Variants in PRCP observed in about 807,000 individuals in gnomAD.
The protein encoded by PRCP is lysosomal Pro-X carboxypeptidase.
Under a neutral mutation model 54.2 loss-of-function variants are expected in PRCP, and 46 were observed. That is an observed-to-expected ratio of 0.85 (90% CI 0.67 to 1.09). The LOEUF (loss-of-function observed/expected upper bound fraction) is 1.09. Ranked by LOEUF, PRCP falls within the 50% of genes least tolerant of loss-of-function variation. The pLI, the probability that PRCP is intolerant of heterozygous loss-of-function variation, is 0.00. For synonymous variants in PRCP, 240 were observed against 212.2 expected (o/e 1.13, Z -1.14); for missense variants, 613 against 596.8 (o/e 1.03, Z -0.28).
intron 6 of PRCP, among the ~76,000 whole-genome samples, chr11:82,846,877 A>G (rs1302378890): frequency 6.6e-6 from 1 of 152,254 alleles, no homozygotes; most frequent in African/African-American, 2.4e-5. Context: ...TACACCAACT[A>G]ACATTCAACA....
At chr11:82,867,253 G>A (rs1164189549) in intron 1 of PRCP, among the ~76,000 whole-genome samples, 1 of 152,148 alleles carries the variant, frequency 6.6e-6, no homozygotes, top group East Asian at 1.9e-4. Flanking sequence ...ACCAAATGGG[G>A]AGAGAAAACA....
At chr11:82,862,480 T>A (rs1859230087) in intron 1 of PRCP, among the ~76,000 whole-genome samples, 1 of 152,198 alleles carries the variant, frequency 6.6e-6, no homozygotes, top group African/African-American at 2.4e-5. Flanking sequence ...GTTCCAGCGC[T>A]GCTCCAGTCT....
chr11:82,830,190 A>C (rs568240320), intron 8 of PRCP: 1 of 152,230 alleles, frequency 6.6e-6, no homozygotes, highest in South Asian at 2.1e-4. Context: ...CGATGTCATT[A>C]TAGTTATTAC....
intron 1 of PRCP, among the ~76,000 whole-genome samples, chr11:82,869,970 T>C (rs2121206871): frequency 6.6e-6 from 1 of 152,334 alleles, no homozygotes; most frequent in African/African-American, 2.4e-5. Flanking sequence ...GAAACAGTTC[T>C]ATATAACTAC....
chr11:82,865,152 G>T (rs1290616222), intron 1 of PRCP, among the ~76,000 whole-genome samples: 3 of 152,088 alleles, frequency 2.0e-5, no homozygotes, highest in Non-Finnish European at 4.4e-5. Context: ...CTTGCCCAAG[G>T]TAATGTAACT....
chr11:82,838,363 T>C, intron 8 of PRCP, 24 bp downstream of exon 8: 1 of 1,580,444 alleles, frequency 6.3e-7, no homozygotes, highest in Non-Finnish European at 8.6e-7. Flanking sequence ...AACTGAAGTT[T>C]ATCTTTGGAC....
At chr11:82,895,355 G>C (rs1345431804) in intron 1 of PRCP, among the ~76,000 whole-genome samples, 1 of 152,110 alleles carries the variant, frequency 6.6e-6, no homozygotes, top group Non-Finnish European at 1.5e-5. Context: ...TTTTTGTAGA[G>C]ACAGGGTCTC....
chr11:82,867,091 G>A (rs987790665), intron 1 of PRCP, among the ~76,000 whole-genome samples: 4 of 152,102 alleles, frequency 2.6e-5, no homozygotes, highest in African/African-American at 9.7e-5. Flanking sequence ...TGATTATGAG[G>A]TTCCCTTCTT....
At chr11:82,887,557 A>G (rs1229499401) in intron 1 of PRCP, among the ~76,000 whole-genome samples, 3 of 152,190 alleles carry the variant, frequency 2.0e-5, no homozygotes, top group Non-Finnish European at 4.4e-5. Context: ...ACTGTTATCA[A>G]AGTATTGTTC....
intron 1 of PRCP, among the ~76,000 whole-genome samples, chr11:82,865,575 T>C (rs1859311827): frequency 6.6e-6 from 1 of 152,188 alleles, no homozygotes; most frequent in African/African-American, 2.4e-5. Flanking sequence ...TAATAACAGT[T>C]AACTAAAATT....
intron 3 of PRCP, 46 bp from the exon 4 acceptor site, chr11:82,850,551 A>T (rs1269228400): frequency 2.7e-5 from 37 of 1,369,604 alleles, no homozygotes; most frequent in Non-Finnish European, 3.3e-5. Context: ...TGCACATAAC[A>T]GCAGCTTAGG....
In PRCP at chr11:82,860,090, T is replaced by C; in HGVS notation, c.196A>G (p.Lys66Glu). 6.4e-7 allele frequency: 1 copy of C among 1,559,440 alleles called. No homozygotes were observed. Among genetic ancestry groups the C allele is most frequent in the Non-Finnish European group, 8.7e-7 (1 of 1,151,904 alleles). The change falls in exon 2 of 9, where the codon AAA becomes GAA. Residue 66 changes from lysine (K) to glutamate (E), a missense_variant. Physicochemically the swap from Lys to Glu is moderately conservative, Grantham distance 56. Transcript: ENST00000313010. Reference sequence around the variant, plus strand: ...ACTAGGTACCGCTGATTAAAAGTTTTCACAGTATTAAATCCAAAATGATCA... The same window carrying C: ...ACTAGGTACCGCTGATTAAAAGTTTCCACAGTATTAAATCCAAAATGATCA... ...KVDHFGFNTV[K>E]TFNQRYLVAD...
At chr11:82,875,875 C>G (rs964581832) in intron 1 of PRCP, among the ~76,000 whole-genome samples, 1 of 152,174 alleles carries the variant, frequency 6.6e-6, no homozygotes, top group African/African-American at 2.4e-5. Flanking sequence ...CGTCTTCTAC[C>G]ACATGGCCCT....
At chr11:82,893,886 T>C (rs1050956749) in intron 1 of PRCP, among the ~76,000 whole-genome samples, 11 of 152,256 alleles carry the variant, frequency 7.2e-5, no homozygotes, top group Admixed American at 3.9e-4. Context: ...ATTAAGTGAA[T>C]GTCTATTAAG....
At chr11:82,873,756 A>T (rs887211847) in intron 1 of PRCP, among the ~76,000 whole-genome samples, 20 of 152,270 alleles carry the variant, frequency 1.3e-4, no homozygotes, top group Non-Finnish European at 2.6e-4. Flanking sequence ...CCACTGAAAC[A>T]GAAAACCTAC....
chr11:82,870,591 A>T (rs910338314), intron 1 of PRCP, among the ~76,000 whole-genome samples: 1 of 152,232 alleles, frequency 6.6e-6, no homozygotes, highest in Non-Finnish European at 1.5e-5. Flanking sequence ...TAAAGGGACA[A>T]AGTAATCTAT....
rs1175047576 is a variant in PRCP at position 82,823,273 on chromosome 11, A to G, written c.*1633T>C. Reference sequence around the variant, plus strand: ...AAAATAAATTGTAAGAATATCCTCTATTGAGCCCATAAACCCTGCATTATT... The same window carrying G: ...AAAATAAATTGTAAGAATATCCTCTGTTGAGCCCATAAACCCTGCATTATT... On this transcript the variant is annotated 3_prime_UTR_variant, in exon 9 of 9. Coordinates refer to ENST00000313010, the MANE Select transcript of PRCP (RefSeq NM_005040.4). Among the ~76,000 whole-genome samples, 1 of 152,224 alleles carries G rather than the reference A, an allele frequency of 6.6e-6. No homozygotes were observed. The highest frequency in any genetic ancestry group is 1.5e-5 in the Non-Finnish European group (1 of 68,030).
At chr11:82,882,318 A>C (rs1859766744) in intron 1 of PRCP, among the ~76,000 whole-genome samples, 1 of 152,180 alleles carries the variant, frequency 6.6e-6, no homozygotes, top group Non-Finnish European at 1.5e-5. Flanking sequence ...AATTCAGAGA[A>C]GTTTTAAAAA....
At chr11:82,869,679 A>G (rs1160633491) in intron 1 of PRCP, among the ~76,000 whole-genome samples, 1 of 152,232 alleles carries the variant, frequency 6.6e-6, no homozygotes, top group Non-Finnish European at 1.5e-5. Context: ...ATATATAGAG[A>G]GTAAATGAAT....
Sources: gnomAD v4.1 joint callset for allele counts (sites outside exome capture counted in the v4.1 genomes callset) on GRCh38, gnomAD v4.1.1 for gene constraint, MANE v1.5 for transcripts, NCBI Gene and HGNC (gene_info 2026-07-23, HGNC 2026-07-21) for gene names.